The following GLI2 variants were observed in gnomAD, a reference collection of about 807,000 sequenced individuals.
The protein encoded by GLI2 is GLI family zinc finger 2.
A neutral mutation model predicts 78.9 loss-of-function variants in GLI2; 22 were observed. That is an observed-to-expected ratio of 0.28 (90% CI 0.20 to 0.40). GLI2 has a LOEUF of 0.40. GLI2 is among the 10% of genes least tolerant of loss of function. The pLI is 1.00. For synonymous variants in GLI2, 974 were observed against 963.7 expected (o/e 1.01, Z -0.20); for missense variants, 2,097 against 2,213.2 (o/e 0.95, Z 1.05).
At chr2:120,781,607 G>A (rs952006748) in intron 1 of GLI2, among the ~76,000 whole-genome samples, 1 of 151,670 alleles carries the variant, frequency 6.6e-6, no homozygotes, top group Non-Finnish European at 1.5e-5. Flanking sequence ...TACCGGCCAG[G>A]TGCGGTGGCT....
chr2:120,990,536 C>A lies in GLI2; in HGVS notation c.4571C>A (p.Ser1524Tyr), dbSNP rs199887024. 3.2e-5 allele frequency: 51 copies of A among 1,614,054 alleles called. No homozygotes were observed. In the East Asian group the frequency reaches 8.3e-4, roughly 26 times the overall value. The part of the protein sequence containing the change: ...PSLLHSLSQN[S>Y]SRLTTPRNSL... ...CTCCTCCACAGCCTCTCCCAGAACT[C>A]CTCCCGCCTCACCACCCCCCGAAAC... is the stretch of plus-strand genomic sequence containing the variant. Residue 1524 changes from serine (S) to tyrosine (Y), a missense_variant, in exon 14 of 14, where the codon TCC becomes TAC. Physicochemically the swap from Ser to Tyr is moderately radical, Grantham distance 144 (BLOSUM62 -2). Around this residue, in one of 5 missense-constraint regions of GLI2, gnomAD observed 1,290 missense variants for 1,261.7 expected, o/e 1.02. Transcript: ENST00000361492.
chr2:120,930,384 T>C (rs1679891993), intron 3 of GLI2, among the ~76,000 whole-genome samples: 2 of 152,196 alleles, frequency 1.3e-5, no homozygotes, highest in Admixed American at 6.5e-5. Context: ...CAGCACAGAG[T>C]GGGTAGATGA....
At chr2:120,984,838 C>G (rs1249049137) in intron 12 of GLI2, 95 bp downstream of exon 12, 19 of 1,304,682 alleles carry the variant, frequency 1.5e-5, no homozygotes, top group East Asian at 4.8e-5. Flanking sequence ...CCCTAAGGCC[C>G]CCCTCTAGGG....
At chr2:120,874,602 T>G (rs537060217) in intron 2 of GLI2, among the ~76,000 whole-genome samples, 1 of 152,356 alleles carries the variant, frequency 6.6e-6, no homozygotes, top group Admixed American at 6.5e-5. Context: ...ATCCGTGACC[T>G]GTAGCATTTG....
chr2:120,833,913 G>T (rs1299390491), intron 2 of GLI2, among the ~76,000 whole-genome samples: 1 of 152,136 alleles, frequency 6.6e-6, no homozygotes, highest in African/African-American at 2.4e-5. Flanking sequence ...TCTTAAACTT[G>T]CAAAGTAACA....
chr2:120,805,976 CCTCT>C (rs1334725599), intron 2 of GLI2, among the ~76,000 whole-genome samples: 2 of 152,120 alleles, frequency 1.3e-5, no homozygotes, highest in Admixed American at 1.3e-4. Flanking sequence ...GTAACAATTT[CCTCT>C]CTATCAAAAG....
intron 8 of GLI2, 111 bp downstream of exon 8, chr2:120,972,174 A>G: frequency 8.3e-7 from 1 of 1,200,844 alleles, no homozygotes; most frequent in South Asian, 1.3e-5. Flanking sequence ...GCCTGCATGG[A>G]TGAATGAGTG....
At position 120,989,465 on chromosome 2, in the gene GLI2, C is replaced by T. The variant is rs754763067; in HGVS notation, c.3500C>T (p.Pro1167Leu). 24 of 1,613,066 alleles carry T rather than the reference C, an allele frequency of 1.5e-5. No homozygotes were observed. The highest frequency in any genetic ancestry group is 1.9e-5 in the Non-Finnish European group (22 of 1,179,976). Residue 1167 changes from proline to leucine, a missense_variant, in exon 14 of 14, where the codon CCG becomes CTG. Coordinates refer to ENST00000361492, the MANE Select transcript of GLI2 (RefSeq NM_001374353.1). The part of the protein sequence containing the change: ...VQQKPAFGQY[P>L]GYSPQGLQAS... ...CAGAAGCCTGCCTTTGGCCAGTACC[C>T]GGGCTACAGTCCGCAAGGCCTACAG... is the stretch of plus-strand genomic sequence containing the variant.
chr2:120,749,635 C>T (rs1682805239), intron 1 of GLI2, among the ~76,000 whole-genome samples: 1 of 152,196 alleles, frequency 6.6e-6, no homozygotes, highest in South Asian at 2.1e-4. Context: ...TTTTCTAGGA[C>T]TCTGTAAGCT....
intron 2 of GLI2, among the ~76,000 whole-genome samples, chr2:120,870,029 A>T (rs1688348304): frequency 6.6e-6 from 1 of 152,194 alleles, no homozygotes; most frequent in Non-Finnish European, 1.5e-5. Flanking sequence ...TTGGGCTAAT[A>T]TACAGTAATG....
chr2:120,871,398 T>G (rs1424316651), intron 2 of GLI2, among the ~76,000 whole-genome samples: 1 of 152,230 alleles, frequency 6.6e-6, no homozygotes, highest in Non-Finnish European at 1.5e-5. Context: ...GAGATGAGAC[T>G]TCAGGGCTGG....
intron 2 of GLI2, among the ~76,000 whole-genome samples, chr2:120,918,044 C>T (rs745985756): frequency 3.9e-5 from 6 of 152,230 alleles, no homozygotes; most frequent in Non-Finnish European, 7.3e-5. Context: ...CCTGCATCCT[C>T]ACTCTGTCAA....
intron 1 of GLI2, among the ~76,000 whole-genome samples, chr2:120,740,697 C>G (rs1167847229): frequency 6.6e-6 from 1 of 152,234 alleles, no homozygotes; most frequent in Non-Finnish European, 1.5e-5. Flanking sequence ...CACACGTTCA[C>G]TTTTGTCAAG....
chr2:120,971,806 CTA>C, intron 7 of GLI2, 133 bp from the exon 8 acceptor site: 1 of 805,632 alleles, frequency 1.2e-6, no homozygotes, highest in Non-Finnish European at 2.2e-6. Context: ...GCTGGGGACT[CTA>C]TTTCTGATAC....
intron 2 of GLI2, among the ~76,000 whole-genome samples, chr2:120,817,385 AC>A (rs1343896014): frequency 6.6e-6 from 1 of 151,702 alleles, no homozygotes; most frequent in Non-Finnish European, 1.5e-5. Flanking sequence ...CCCACCTGTC[AC>A]CCCTTCCATC....
chr2:120,943,154 G>A (rs745992118), intron 3 of GLI2, among the ~76,000 whole-genome samples: 1 of 152,220 alleles, frequency 6.6e-6, no homozygotes, highest in Non-Finnish European at 1.5e-5. Context: ...ACGTGCTCAG[G>A]TCAGAGGAAG....
At chr2:120,828,650 G>T (rs1467536780) in intron 2 of GLI2, among the ~76,000 whole-genome samples, 3 of 152,108 alleles carry the variant, frequency 2.0e-5, no homozygotes, top group Non-Finnish European at 4.4e-5. Flanking sequence ...CCTTGGGAAA[G>T]AAAAGAAAGT....
chr2:120,762,444 C>T (rs1039137879), intron 1 of GLI2, among the ~76,000 whole-genome samples: 36 of 152,146 alleles, frequency 2.4e-4, no homozygotes, highest in Admixed American at 2.0e-3. Context: ...TGGCTGGTGC[C>T]AAGGCTGGGC....
chr2:120,946,251 G>A (rs1680705121), intron 3 of GLI2, among the ~76,000 whole-genome samples: 1 of 152,168 alleles, frequency 6.6e-6, no homozygotes, highest in Non-Finnish European at 1.5e-5. Context: ...GCACAGCCCT[G>A]TTGGGAGCGT....
Sources: allele counts gnomAD v4.1 joint callset (sites outside exome capture counted in the v4.1 genomes callset), GRCh38; gene constraint gnomAD v4.1.1; regional missense constraint gnomAD v4.1.1; transcripts MANE v1.5; gene names NCBI Gene and HGNC (gene_info 2026-07-23, HGNC 2026-07-21).